GLI3: variants seen among roughly 807,000 people sequenced by gnomAD.
GLI3 encodes the protein GLI family zinc finger 3, also known as transcription activator GLI3.
GLI3 carries 20 observed loss-of-function variants against 100.8 expected under a neutral mutation model. The ratio of observed to expected loss-of-function variants is 0.20; its 90% CI spans 0.14 to 0.29. The LOEUF is 0.29. GLI3 is among the 10% of genes least tolerant of loss of function. The pLI is 1.00. For synonymous variants in GLI3, 938 were observed against 860.5 expected (o/e 1.09, Z -1.58); for missense variants, 2,040 against 2,128.5 (o/e 0.96, Z 0.82).
chr7:41,967,767 T>C lies in GLI3; in HGVS notation c.2260A>G (p.Ile754Val), dbSNP rs746517704. ...IDETPIMDST[I>V]STATTALALQ... ...GCAAGGGCTGTGGTTGCAGTGGAAA[T>C]GGTTGAGTCCATGATTGGGGTTTCA... The change falls in exon 14 of 15, where the codon ATT (isoleucine) becomes GTT (valine). Residue 754 changes from isoleucine to valine, a missense_variant. Ile to Val is a conservative substitution (Grantham distance 29). This residue lies in a region of GLI3 where 327 missense variants were observed against 338.7 expected (regional missense o/e 0.97). Transcript: ENST00000395925. 1.9e-6 allele frequency: 3 copies of C among 1,614,176 alleles called. No homozygotes were observed. The highest frequency in any genetic ancestry group is 1.3e-5 in the African/African-American group (1 of 75,030).
At chr7:42,098,834 T>G (rs926308780) in intron 3 of GLI3, among the ~76,000 whole-genome samples, 9 of 152,132 alleles carry the variant, frequency 5.9e-5, no homozygotes, top group African/African-American at 2.2e-4. Context: ...CCTGCTTGGG[T>G]ACAGAGAGGA....
intron 4 of GLI3, among the ~76,000 whole-genome samples, chr7:42,061,456 C>T (rs933553765): frequency 7.2e-5 from 11 of 152,128 alleles, no homozygotes; most frequent in African/African-American, 2.7e-4. Flanking sequence ...CTTTTAATCA[C>T]CTTTATTTTA....
At chr7:42,024,490 A>G (rs532072454) in intron 9 of GLI3, among the ~76,000 whole-genome samples, 63 of 152,342 alleles carry the variant, frequency 4.1e-4, no homozygotes, top group African/African-American at 1.4e-3. Context: ...TTGGGCAAGC[A>G]GTCTGAGGTT....
In GLI3 at chr7:41,967,586, T is replaced by C. The variant is rs1273277288; in HGVS notation, c.2431+10A>G. The C allele has an allele frequency of 4.4e-6, 7 of 1,597,394 alleles. No homozygotes were observed. The highest frequency in any genetic ancestry group is 4.5e-5 in the East Asian group (2 of 44,758). On this transcript the variant is annotated intron_variant, in intron 14 of 14. Coordinates refer to ENST00000395925, the MANE Select transcript of GLI3 (RefSeq NM_000168.6). ...CCCTGAGCAGATGCATGGTCTGATG[T>C]AGAACTCACCATTTCCTATGAGAGG...
chr7:42,108,006 C>G (rs1785616157), intron 3 of GLI3, among the ~76,000 whole-genome samples: 1 of 152,154 alleles, frequency 6.6e-6, no homozygotes, highest in Non-Finnish European at 1.5e-5. Flanking sequence ...AAATCCTCAA[C>G]TGCTTTTCAA....
intron 10 of GLI3, among the ~76,000 whole-genome samples, chr7:41,980,223 G>A (rs761348308): frequency 3.9e-5 from 6 of 152,188 alleles, no homozygotes; most frequent in African/African-American, 7.2e-5. Context: ...GCAACCCCAC[G>A]GCAAACAGAT....
chr7:42,166,568 G>A (rs1193924539), intron 2 of GLI3, among the ~76,000 whole-genome samples: 5 of 151,876 alleles, frequency 3.3e-5, no homozygotes, highest in Non-Finnish European at 5.9e-5. Flanking sequence ...TCCAGTTGGG[G>A]GGTTGGAGGG....
Position 41,965,278 on chromosome 7 carries a change from A to T in GLI3, c.3795T>A (p.Pro1265=). 6.2e-7 allele frequency: 1 copy of T among 1,613,668 alleles called. No individual in the cohort carries two copies. Among genetic ancestry groups the T allele is most frequent in the Non-Finnish European group, 8.5e-7 (1 of 1,179,676 alleles). Residue 1265 remains proline (P), a synonymous_variant, in exon 15 of 15, where the codon CCT becomes CCA. Coordinates refer to ENST00000395925, the MANE Select transcript of GLI3 (RefSeq NM_000168.6). ...GNCLNRQPVA[P]GALDGACGAG... ...CACCACAGGCACCGTCGAGTGCACCAGGGGCCACTGGCTGCCTGTTGAGAC... is the reference window on the plus strand; with the variant it reads ...CACCACAGGCACCGTCGAGTGCACCTGGGGCCACTGGCTGCCTGTTGAGAC...
intron 3 of GLI3, among the ~76,000 whole-genome samples, chr7:42,125,674 C>T (rs1786108095): frequency 6.6e-6 from 1 of 152,206 alleles, no homozygotes; most frequent in South Asian, 2.1e-4. Context: ...GACTCACTGT[C>T]CCCAGCCATT....
intron 2 of GLI3, among the ~76,000 whole-genome samples, chr7:42,194,702 A>G (rs571849377): frequency 2.0e-5 from 3 of 150,800 alleles, no homozygotes; most frequent in South Asian, 4.2e-4. Context: ...GAGTCCTACT[A>G]AGCCCTGTCA....
chr7:42,056,982 C>CAA (rs11322222), intron 4 of GLI3, among the ~76,000 whole-genome samples: 1 of 102,746 alleles, frequency 9.7e-6, no homozygotes, highest in Admixed American at 1.1e-4. Flanking sequence ...AACTCCGTCT[C>CAA]AAAAAAAAAA....
intron 7 of GLI3, among the ~76,000 whole-genome samples, chr7:42,033,648 A>G (rs1452982036): frequency 6.6e-6 from 1 of 152,196 alleles, no homozygotes; most frequent in African/African-American, 2.4e-5. Flanking sequence ...TGACTGTTGC[A>G]CTAAGAGGTC....
At chr7:42,057,409 T>C (rs1248375232) in intron 4 of GLI3, among the ~76,000 whole-genome samples, 5 of 152,234 alleles carry the variant, frequency 3.3e-5, no homozygotes, top group African/African-American at 1.2e-4. Flanking sequence ...ACTACCTCTT[T>C]GGAAAACAAT....
At chr7:42,204,848 C>T (rs759246715) in intron 2 of GLI3, among the ~76,000 whole-genome samples, 2 of 152,116 alleles carry the variant, frequency 1.3e-5, no homozygotes, top group Admixed American at 6.5e-5. Context: ...CGAGACTCTC[C>T]TTCGGGAAAG....
intron 2 of GLI3, among the ~76,000 whole-genome samples, chr7:42,166,867 C>G (rs1787254289): frequency 6.6e-6 from 1 of 151,118 alleles, no homozygotes; most frequent in Non-Finnish European, 1.5e-5. Flanking sequence ...TGCTTGTCAC[C>G]CAGGCTGGAG....
At chr7:42,251,889 T>C (rs1239983004) in intron 1 of GLI3, among the ~76,000 whole-genome samples, 1 of 152,032 alleles carries the variant, frequency 6.6e-6, no homozygotes, top group African/African-American at 2.4e-5. Context: ...GCAAGTTATC[T>C]AGTGTGATCG....
At chr7:42,124,740 C>A (rs1467623373) in intron 3 of GLI3, among the ~76,000 whole-genome samples, 2 of 152,162 alleles carry the variant, frequency 1.3e-5, no homozygotes, top group Admixed American at 1.3e-4. Context: ...AGTGTCGGGA[C>A]AAAGTTTATT....
chr7:42,224,163 C>A (rs904971118), intron 1 of GLI3, among the ~76,000 whole-genome samples: 3 of 152,176 alleles, frequency 2.0e-5, no homozygotes, highest in Admixed American at 6.5e-5. Flanking sequence ...ATGTTCTACA[C>A]CTACAAAGAA....
At chr7:42,016,478 G>A (rs566871121) in intron 10 of GLI3, among the ~76,000 whole-genome samples, 12 of 152,192 alleles carry the variant, frequency 7.9e-5, no homozygotes, top group African/African-American at 2.2e-4. Flanking sequence ...TTTTTCTCTC[G>A]TAAGCAGAAT....
Sources: allele counts gnomAD v4.1 joint callset (sites outside exome capture counted in the v4.1 genomes callset), GRCh38; gene constraint gnomAD v4.1.1; regional missense constraint gnomAD v4.1.1; transcripts MANE v1.5; gene names NCBI Gene and HGNC (gene_info 2026-07-23, HGNC 2026-07-21).